Variants in WASF1 observed in about 807,000 individuals in gnomAD.
WASF1 encodes the protein WASP family member 1, also known as actin-binding protein WASF1.
A neutral mutation model predicts 50.5 loss-of-function variants in WASF1; 7 were observed. The observed-to-expected ratio is 0.14, with a 90% CI of 0.08 to 0.26. WASF1 has a LOEUF of 0.26. Among genes scored for constraint, WASF1 ranks in the 10% least tolerant of loss-of-function variants. The pLI is 1.00. For synonymous variants in WASF1, 205 were observed against 244.0 expected (o/e 0.84, Z 1.49); for missense variants, 470 against 694.7 (o/e 0.68, Z 3.64).
At chr6:110,161,632 A>G (rs992615480) in intron 2 of WASF1, among the ~76,000 whole-genome samples, 3 of 151,590 alleles carry the variant, frequency 2.0e-5, no homozygotes, top group African/African-American at 7.3e-5. Flanking sequence ...TGCTTTCTAT[A>G]GCTTTTTTAA....
intron 3 of WASF1, among the ~76,000 whole-genome samples, chr6:110,131,503 T>A (rs771965672): frequency 2.6e-5 from 4 of 152,198 alleles, no homozygotes; most frequent in Non-Finnish European, 5.9e-5. Flanking sequence ...CTAGAGCTAA[T>A]GACAAACTGA....
At chr6:110,178,237 A>T (rs1777018386) in intron 2 of WASF1, among the ~76,000 whole-genome samples, 1 of 152,144 alleles carries the variant, frequency 6.6e-6, no homozygotes, top group Admixed American at 6.5e-5. Flanking sequence ...CTTATTCAAA[A>T]CTTCCGAAAT....
chr6:110,144,929 C>T (rs1775472070), intron 3 of WASF1, among the ~76,000 whole-genome samples: 2 of 152,220 alleles, frequency 1.3e-5, no homozygotes, highest in South Asian at 2.1e-4. Flanking sequence ...TTAGGATTGA[C>T]TTGGCGATGC....
intron 3 of WASF1, among the ~76,000 whole-genome samples, chr6:110,151,601 AAAGT>A (rs1775828827): frequency 6.6e-6 from 1 of 152,166 alleles, no homozygotes; most frequent in Non-Finnish European, 1.5e-5. Context: ...CAAGTTTAAT[AAAGT>A]AATAGTAATT....
In WASF1 at chr6:110,157,628, T is replaced by C. The variant is rs965202689; in HGVS notation, c.-29+3007A>G. On this transcript the variant is annotated intron_variant, in intron 3 of 10. Transcript: ENST00000392589. Reference sequence around the variant, plus strand: ...GCGGTGAGAGAGGGCATCCCTGTCTTGTGCCGGTTTCCAAAGGGAATGCTT... The same window carrying C: ...GCGGTGAGAGAGGGCATCCCTGTCTCGTGCCGGTTTCCAAAGGGAATGCTT... 7.5e-4 allele frequency among the ~76,000 whole-genome samples: 23 copies of C among 30,594 alleles called. 1 individual carries two copies. The highest frequency in any genetic ancestry group is 6.8e-3 in the African/African-American group (20 of 2,946). 20.1% of individuals were successfully genotyped at this position (30,594 alleles called of 152,430 possible). A position where few individuals can be genotyped will look rare whatever the true frequency, so the allele number is the denominator to read the frequency against.
chr6:110,159,097 C>T (rs1382604072), intron 3 of WASF1, among the ~76,000 whole-genome samples: 1 of 151,834 alleles, frequency 6.6e-6, no homozygotes. Flanking sequence ...TACATTTCTC[C>T]GTATGTCCCA....
intron 5 of WASF1, among the ~76,000 whole-genome samples, chr6:110,111,131 G>T (rs1162878824): frequency 1.3e-5 from 2 of 151,968 alleles, no homozygotes; most frequent in African/African-American, 4.8e-5. Context: ...ACTAAATGTT[G>T]ATTTTTATTT....
chr6:110,178,031 A>C (rs1282322352), intron 2 of WASF1, among the ~76,000 whole-genome samples: 4 of 151,980 alleles, frequency 2.6e-5, no homozygotes, highest in African/African-American at 4.8e-5. Context: ...AAAAAAAAAA[A>C]CTGGATTCTA....
At chr6:110,124,228 TCTCTCTC>T (rs1432005404) in intron 4 of WASF1, among the ~76,000 whole-genome samples, 8 of 32,088 alleles carry the variant, frequency 2.5e-4, no homozygotes, top group East Asian at 8.8e-4. Flanking sequence ...CTCTCTCTCC[TCTCTCTC>T]CTCTCTCTCT....
In WASF1 at chr6:110,167,379, T is replaced by C. The variant is rs145718112; in HGVS notation, c.-126-6647A>G. Among the ~76,000 whole-genome samples the C allele has an allele frequency of 2.1e-3, 320 of 152,032 alleles. 1 individual carries two copies. The highest frequency in any genetic ancestry group is 7.3e-3 in the African/African-American group (305 of 41,538). ...CAGAAGGCATTGTTATCATAGGAGATGACAGCTCCATGCTTGTTACTGCCT... is the reference window on the plus strand; with the variant it reads ...CAGAAGGCATTGTTATCATAGGAGACGACAGCTCCATGCTTGTTACTGCCT... On this transcript the variant is annotated intron_variant, in intron 2 of 10. Transcript: ENST00000392589.
chr6:110,146,049 G>A (rs968049724), intron 3 of WASF1, among the ~76,000 whole-genome samples: 3 of 151,744 alleles, frequency 2.0e-5, no homozygotes, highest in Non-Finnish European at 2.9e-5. Flanking sequence ...GAGTTAATGG[G>A]TACAGCACAC....
intron 4 of WASF1, among the ~76,000 whole-genome samples, chr6:110,114,721 G>C (rs888999619): frequency 2.0e-5 from 3 of 151,690 alleles, no homozygotes; most frequent in Admixed American, 1.3e-4. Flanking sequence ...AGAAGCTGCA[G>C]CTTTTGTCAG....
At chr6:110,133,082 T>C (rs1192788580) in intron 3 of WASF1, among the ~76,000 whole-genome samples, 1 of 151,590 alleles carries the variant, frequency 6.6e-6, no homozygotes, top group Admixed American at 6.6e-5. Context: ...GTAAGGTAAC[T>C]CCAGAATGAA....
chr6:110,163,047 G>T (rs536782716), intron 2 of WASF1, among the ~76,000 whole-genome samples: 1 of 151,582 alleles, frequency 6.6e-6, no homozygotes, highest in Non-Finnish European at 1.5e-5. Flanking sequence ...ATGGATACAA[G>T]ATTAATATAT....
chr6:110,144,311 T>C (rs574814539), intron 3 of WASF1, among the ~76,000 whole-genome samples: 1 of 152,228 alleles, frequency 6.6e-6, no homozygotes, highest in South Asian at 2.1e-4. Flanking sequence ...GATGGGGTTG[T>C]TTGTTTTTTT....
At chr6:110,149,603 T>C (rs1309132487) in intron 3 of WASF1, among the ~76,000 whole-genome samples, 1 of 152,002 alleles carries the variant, frequency 6.6e-6, no homozygotes, top group Admixed American at 6.6e-5. Flanking sequence ...ATTAGCAAAC[T>C]TACCTGAAAA....
At chr6:110,148,281 A>G (rs1435815988) in intron 3 of WASF1, among the ~76,000 whole-genome samples, 2 of 152,150 alleles carry the variant, frequency 1.3e-5, no homozygotes, top group Admixed American at 1.3e-4. Flanking sequence ...CATCAGTGAA[A>G]TAAGTACTGT....
At chr6:110,100,730 G>A (rs565551426) in intron 10 of WASF1, 51 bp from the exon 11 acceptor site, 17 of 1,435,538 alleles carry the variant, frequency 1.2e-5, no homozygotes, top group African/African-American at 1.5e-5. Context: ...CTAGATACTA[G>A]ATATTATTAA....
intron 4 of WASF1, among the ~76,000 whole-genome samples, chr6:110,118,609 C>T (rs1773925818): frequency 6.6e-6 from 1 of 151,976 alleles, no homozygotes; most frequent in Admixed American, 6.6e-5. Flanking sequence ...ACTTTAACAC[C>T]CCACTGTCAA....
Sources: gnomAD v4.1 joint callset for allele counts (sites outside exome capture counted in the v4.1 genomes callset) on GRCh38, gnomAD v4.1.1 for gene constraint, MANE v1.5 for transcripts, NCBI Gene and HGNC (gene_info 2026-07-23, HGNC 2026-07-21) for gene names.